KIAA1217: variants seen among roughly 807,000 people sequenced by gnomAD.
The protein encoded by KIAA1217 is KIAA1217, also known as sickle tail protein homolog.
A neutral mutation model predicts 163.9 loss-of-function variants in KIAA1217; 88 were observed. That is an observed-to-expected ratio of 0.54 (90% CI 0.45 to 0.64). The LOEUF is 0.64. Among genes scored for constraint, KIAA1217 ranks in the 30% least tolerant of loss-of-function variants. The probability of loss-of-function intolerance (pLI) is 0.00; values close to 1 mark genes in which losing one functional copy is unlikely to be tolerated. For missense variants in KIAA1217, 2,372 were observed against 2,475.0 expected (o/e 0.96, Z 0.88); for synonymous variants, 903 against 923.1 (o/e 0.98, Z 0.39).
chr10:24,435,971 A>C (rs1010636982), intron 4 of KIAA1217, among the ~76,000 whole-genome samples: 2 of 151,690 alleles, frequency 1.3e-5, no homozygotes, highest in Admixed American at 1.3e-4. Context: ...AGTAATTCTC[A>C]TGCCTCAGCC....
At chr10:23,854,451 G>C (rs1283790758) in intron 1 of KIAA1217, among the ~76,000 whole-genome samples, 1 of 152,122 alleles carries the variant, frequency 6.6e-6, no homozygotes, top group Non-Finnish European at 1.5e-5. Flanking sequence ...GTCAATTTTG[G>C]AGTAGGTGTG....
At chr10:24,186,312 G>A (rs779633684) in intron 2 of KIAA1217, among the ~76,000 whole-genome samples, 1 of 152,148 alleles carries the variant, frequency 6.6e-6, no homozygotes, top group African/African-American at 2.4e-5. Context: ...ATACTTGGAT[G>A]ACAGTGTTGT....
intron 2 of KIAA1217, among the ~76,000 whole-genome samples, chr10:24,352,336 A>G (rs1278965794): frequency 1.3e-5 from 2 of 152,206 alleles, no homozygotes; most frequent in African/African-American, 2.4e-5. Flanking sequence ...CACATGGAAT[A>G]ATCGTGAATA....
intron 2 of KIAA1217, among the ~76,000 whole-genome samples, chr10:24,312,807 C>T (rs891868228): frequency 1.3e-5 from 2 of 151,936 alleles, no homozygotes; most frequent in Non-Finnish European, 2.9e-5. Flanking sequence ...CCCAGCTACT[C>T]AGGAGGCTGA....
chr10:24,225,058 A>C (rs1034838234), intron 2 of KIAA1217, among the ~76,000 whole-genome samples: 14 of 151,848 alleles, frequency 9.2e-5, no homozygotes, highest in South Asian at 2.1e-4. Flanking sequence ...ATCTCCTGAC[A>C]TTGTGATCTG....
chr10:23,964,983 T>C (rs771547911), intron 1 of KIAA1217, among the ~76,000 whole-genome samples: 3 of 152,166 alleles, frequency 2.0e-5, no homozygotes, highest in Non-Finnish European at 4.4e-5. Flanking sequence ...TGACTTCTAT[T>C]AGAGGCAAAG....
chr10:23,877,722 A>C (rs1840760861), intron 1 of KIAA1217, among the ~76,000 whole-genome samples: 1 of 152,010 alleles, frequency 6.6e-6, no homozygotes, highest in Non-Finnish European at 1.5e-5. Context: ...CAAAAGCTTT[A>C]ACATTAGCTA....
chr10:24,406,371 G>A (rs2057211601), intron 3 of KIAA1217, among the ~76,000 whole-genome samples: 1 of 143,746 alleles, frequency 7.0e-6, no homozygotes, highest in South Asian at 2.2e-4. Flanking sequence ...TTCTAAATAT[G>A]CAAAGGTACA....
At chr10:23,999,340 G>A (rs1846637761) in intron 1 of KIAA1217, among the ~76,000 whole-genome samples, 1 of 152,152 alleles carries the variant, frequency 6.6e-6, no homozygotes, top group South Asian at 2.1e-4. Context: ...TTGAGTAGCT[G>A]GAGGCAGTGT....
intron 1 of KIAA1217, among the ~76,000 whole-genome samples, chr10:23,750,083 C>A (rs1460476605): frequency 6.6e-6 from 1 of 152,120 alleles, no homozygotes; most frequent in Non-Finnish European, 1.5e-5. Flanking sequence ...ATTCCCACAG[C>A]TTCTGGCCAT....
intron 5 of KIAA1217, among the ~76,000 whole-genome samples, chr10:24,467,698 T>C (rs138142207): frequency 2.0e-5 from 3 of 152,188 alleles, no homozygotes; most frequent in African/African-American, 7.2e-5. Flanking sequence ...TTAAACTCAC[T>C]AAGGGAAAAG....
intron 2 of KIAA1217, among the ~76,000 whole-genome samples, chr10:24,153,960 T>A (rs987972692): frequency 8.6e-4 from 119 of 138,150 alleles, no homozygotes; most frequent in East Asian, 1.6e-3. Flanking sequence ...CAAAAAATAT[T>A]TTTTTTTTTT....
At chr10:24,079,820 A>G (rs1338915746) in intron 2 of KIAA1217, among the ~76,000 whole-genome samples, 1 of 152,192 alleles carries the variant, frequency 6.6e-6, no homozygotes, top group African/African-American at 2.4e-5. Context: ...GCACAACTGA[A>G]TTGAAACACT....
At chr10:24,074,658 G>C (rs1172929671) in intron 2 of KIAA1217, among the ~76,000 whole-genome samples, 1 of 150,072 alleles carries the variant, frequency 6.7e-6, no homozygotes, top group Non-Finnish European at 1.5e-5. Flanking sequence ...CTTATATTCT[G>C]GAATTCTTCT....
At chr10:23,699,502 C>T (rs535228218) in intron 1 of KIAA1217, among the ~76,000 whole-genome samples, 1 of 152,310 alleles carries the variant, frequency 6.6e-6, no homozygotes, top group East Asian at 1.9e-4. Flanking sequence ...TGCATCTGAT[C>T]ACTCCATAAA....
intron 6 of KIAA1217, among the ~76,000 whole-genome samples, chr10:24,476,606 A>G (rs560910017): frequency 6.6e-6 from 1 of 152,348 alleles, no homozygotes; most frequent in African/African-American, 2.4e-5. Flanking sequence ...GTATTCTGAC[A>G]TATGATTGTA....
intron 2 of KIAA1217, among the ~76,000 whole-genome samples, chr10:24,091,128 G>A (rs1589456562): frequency 6.6e-6 from 1 of 151,966 alleles, no homozygotes; most frequent in African/African-American, 2.4e-5. Flanking sequence ...GAGTTTTTAA[G>A]GCGTTAAATC....
chr10:24,418,804 T>G (rs1211274274), intron 3 of KIAA1217, among the ~76,000 whole-genome samples: 12 of 152,096 alleles, frequency 7.9e-5, no homozygotes. Context: ...TGGAAACTGT[T>G]GCATATCCCT....
chr10:24,216,827 CAAAAA>C (rs199499926), intron 1 of KIAA1217, among the ~76,000 whole-genome samples: 1 of 55,800 alleles, frequency 1.8e-5, no homozygotes, highest in Admixed American at 2.1e-4. Flanking sequence ...ACTCTGTGTC[CAAAAA>C]AAAAAAAAAA....
Sources: gnomAD v4.1 joint callset for allele counts (sites outside exome capture counted in the v4.1 genomes callset) on GRCh38, gnomAD v4.1.1 for gene constraint, MANE v1.5 for transcripts, NCBI Gene and HGNC (gene_info 2026-07-23, HGNC 2026-07-21) for gene names.